The following PCCA variants were observed in gnomAD, a reference collection of about 807,000 sequenced individuals.
PCCA encodes the protein propionyl-CoA carboxylase subunit alpha, also known as propionyl-CoA carboxylase alpha chain, mitochondrial.
In PCCA, 74 loss-of-function variants were observed where a neutral mutation model predicts 101.3. That is an observed-to-expected ratio of 0.73 (90% CI 0.61 to 0.89). The LOEUF (loss-of-function observed/expected upper bound fraction) is 0.89, where lower values mean the gene tolerates loss of function less well. Ranked by LOEUF, PCCA falls within the 40% of genes least tolerant of loss-of-function variation. The pLI is 0.00. For synonymous variants in PCCA, 294 were observed against 313.6 expected (o/e 0.94, Z 0.66); for missense variants, 891 against 907.0 (o/e 0.98, Z 0.23).
intron 19 of PCCA, among the ~76,000 whole-genome samples, chr13:100,386,993 A>G (rs572415030): frequency 1.3e-5 from 2 of 152,306 alleles, no homozygotes; most frequent in African/African-American, 4.8e-5. Context: ...TGTTGAAATA[A>G]TGGAGCCTTA....
At chr13:100,435,549 A>T (rs993386315) in intron 20 of PCCA, among the ~76,000 whole-genome samples, 1 of 152,228 alleles carries the variant, frequency 6.6e-6, no homozygotes, top group Non-Finnish European at 1.5e-5. Flanking sequence ...CCTGGTTTTC[A>T]TTGGTAAACT....
At chr13:100,222,302 C>T (rs1192511294) in intron 7 of PCCA, among the ~76,000 whole-genome samples, 1 of 152,072 alleles carries the variant, frequency 6.6e-6, no homozygotes, top group Non-Finnish European at 1.5e-5. Flanking sequence ...GTTTTGAACT[C>T]CTGAGCTTGG....
intron 4 of PCCA, among the ~76,000 whole-genome samples, chr13:100,141,691 G>A (rs902452512): frequency 6.6e-5 from 10 of 152,166 alleles, no homozygotes; most frequent in Non-Finnish European, 1.0e-4. Flanking sequence ...AAGTTTACAG[G>A]CGTGAACCAC....
At chr13:100,488,520 T>C (rs753225217) in intron 21 of PCCA, among the ~76,000 whole-genome samples, 2 of 152,112 alleles carry the variant, frequency 1.3e-5, no homozygotes, top group African/African-American at 2.4e-5. Context: ...ACACCTGTAA[T>C]CCCAATACCT....
chr13:100,436,501 G>T (rs2079948550), intron 20 of PCCA, among the ~76,000 whole-genome samples: 1 of 152,172 alleles, frequency 6.6e-6, no homozygotes, highest in Non-Finnish European at 1.5e-5. Flanking sequence ...TTTGCAAAGG[G>T]AGTAGCCCCT....
intron 4 of PCCA, among the ~76,000 whole-genome samples, chr13:100,121,339 T>C (rs2049366684): frequency 6.6e-6 from 1 of 151,868 alleles, no homozygotes; most frequent in Admixed American, 6.6e-5. Flanking sequence ...TTTGTACTTT[T>C]AGTAGAGATG....
intron 19 of PCCA, among the ~76,000 whole-genome samples, chr13:100,387,881 G>A (rs564637176): frequency 6.6e-6 from 1 of 152,246 alleles, no homozygotes; most frequent in South Asian, 2.1e-4. Flanking sequence ...AACTTGTTAT[G>A]GTGCTAAGTG....
chr13:100,185,647 CTTT>C (rs60267730), intron 6 of PCCA, among the ~76,000 whole-genome samples: 44 of 133,868 alleles, frequency 3.3e-4, no homozygotes, highest in Non-Finnish European at 3.2e-4. Context: ...ATTTCTTTTT[CTTT>C]TTTTTTTTTT....
At chr13:100,504,443 C>T (rs905075027) in intron 21 of PCCA, among the ~76,000 whole-genome samples, 2 of 152,126 alleles carry the variant, frequency 1.3e-5, no homozygotes, top group African/African-American at 4.8e-5. Flanking sequence ...CATCTGAGAG[C>T]GTGTACGCGG....
At chr13:100,432,352 A>G (rs1364873041) in intron 20 of PCCA, among the ~76,000 whole-genome samples, 1 of 152,100 alleles carries the variant, frequency 6.6e-6, no homozygotes, top group African/African-American at 2.4e-5. Flanking sequence ...TCCTCAGTAT[A>G]TTTGCTTCTG....
At chr13:100,369,031 C>G (rs1272684445) in intron 19 of PCCA, among the ~76,000 whole-genome samples, 2 of 152,056 alleles carry the variant, frequency 1.3e-5, no homozygotes, top group African/African-American at 4.8e-5. Flanking sequence ...AACTTAAACC[C>G]CTTGGATATA....
chr13:100,511,883 T>G (rs899293350), intron 21 of PCCA, among the ~76,000 whole-genome samples: 1 of 152,196 alleles, frequency 6.6e-6, no homozygotes, highest in African/African-American at 2.4e-5. Context: ...AGGAGGTGCA[T>G]GTACTGTACA....
At chr13:100,418,008 G>T (rs911446088) in intron 19 of PCCA, among the ~76,000 whole-genome samples, 2 of 151,952 alleles carry the variant, frequency 1.3e-5, no homozygotes, top group Non-Finnish European at 2.9e-5. Flanking sequence ...CCCTCTCCCT[G>T]CACGTGAAGA....
chr13:100,163,429 T>C (rs9513736), intron 6 of PCCA, among the ~76,000 whole-genome samples: 58,441 of 152,034 alleles, frequency 0.38, 12,781 homozygotes, highest in East Asian at 0.72. Flanking sequence ...GCATGATATG[T>C]ATTTCTCCAT....
At chr13:100,378,419 G>A (rs1167746550) in intron 19 of PCCA, among the ~76,000 whole-genome samples, 2 of 152,168 alleles carry the variant, frequency 1.3e-5, no homozygotes, top group African/African-American at 4.8e-5. Flanking sequence ...ATACTGTTTT[G>A]CATTGAATCT....
intron 12 of PCCA, among the ~76,000 whole-genome samples, chr13:100,300,616 T>G (rs2152682664): frequency 6.6e-6 from 1 of 152,344 alleles, no homozygotes; most frequent in East Asian, 1.9e-4. Context: ...TTCTTAGAAC[T>G]TATTCAAGGT....
At position 100,420,932 on chromosome 13, in the gene PCCA, T is replaced by C. The variant is rs549579540; in HGVS notation, c.1747-4701T>C. Reference sequence around the variant, plus strand: ...CTTGAAAAAAAAACTTTAGAGTGGATGTAGTGGCTCATGCCTGTAATCCCA... The same window carrying C: ...CTTGAAAAAAAAACTTTAGAGTGGACGTAGTGGCTCATGCCTGTAATCCCA... On this transcript the variant is annotated intron_variant, in intron 19 of 23. Transcript: ENST00000376285. 4.6e-5 allele frequency among the ~76,000 whole-genome samples: 7 copies of C among 151,996 alleles called. No homozygotes were observed. The South Asian group carries it at 1.5e-3, about 32-fold the overall frequency.
At position 100,483,953 on chromosome 13, in the gene PCCA, G is replaced by A. The variant is rs1374922222; in HGVS notation, c.1900-31474G>A. Among the ~76,000 whole-genome samples, 3 of 152,124 alleles carry A rather than the reference G, an allele frequency of 2.0e-5. No individual in the cohort carries two copies. In the East Asian group the frequency reaches 5.8e-4, roughly 29 times the overall value. On this transcript the variant is annotated intron_variant, in intron 21 of 23. Coordinates refer to ENST00000376285, the MANE Select transcript of PCCA (RefSeq NM_000282.4). ...TGTGCCAGCTGGTTTCATGGATGGA[G>A]GAAAACAATCTGGGTTTCAGTTTCA...
chr13:100,387,375 A>G (rs1429420463), intron 19 of PCCA, among the ~76,000 whole-genome samples: 3 of 152,206 alleles, frequency 2.0e-5, no homozygotes, highest in African/African-American at 7.2e-5. Flanking sequence ...GTGTTTCCCA[A>G]TAGCAAAAGG....
Sources: gnomAD v4.1 joint callset for allele counts (sites outside exome capture counted in the v4.1 genomes callset) on GRCh38, gnomAD v4.1.1 for gene constraint, MANE v1.5 for transcripts, NCBI Gene and HGNC (gene_info 2026-07-23, HGNC 2026-07-21) for gene names.